The following MRPL45 variants were observed in gnomAD, a reference collection of about 807,000 sequenced individuals.
The protein encoded by MRPL45 is large ribosomal subunit protein mL45.
In MRPL45, 20 loss-of-function variants were observed where a neutral mutation model predicts 38.1. The ratio of observed to expected loss-of-function variants is 0.53; its 90% CI spans 0.37 to 0.76. MRPL45 has a LOEUF of 0.76. Ranked by LOEUF, MRPL45 falls within the 30% of genes least tolerant of loss-of-function variation. MRPL45 has a pLI of 0.00. For synonymous variants in MRPL45, 105 were observed against 128.8 expected, an observed-to-expected ratio of 0.82 and a Z score of 1.25; for missense variants, 337 against 395.6, an observed-to-expected ratio of 0.85 and a Z score of 1.26.
chr17:38,322,352 A>T (rs1286398512), intron 7 of MRPL45, 53 bp downstream of exon 7: 60 of 1,464,738 alleles, frequency 4.1e-5, no homozygotes, highest in Non-Finnish European at 5.5e-5. Flanking sequence ...GTGGTCTCCT[A>T]AGCCACTCTG....
At chr17:38,316,936 T>G (rs553565479) in intron 4 of MRPL45, among the ~76,000 whole-genome samples, 7 of 152,106 alleles carry the variant, frequency 4.6e-5, no homozygotes, top group Admixed American at 3.9e-4. Context: ...TAGCTGAGAC[T>G]CCAGGTGTGT....
chr17:38,298,691 A>T lies in MRPL45; in HGVS notation c.244+65A>T, dbSNP rs2036961859. 5.4e-6 allele frequency: 8 copies of T among 1,472,042 alleles called. No homozygotes were observed. In the East Asian group the frequency reaches 1.8e-4, roughly 33 times the overall value. 91.2% of individuals were successfully genotyped at this position (1,472,042 alleles called of 1,614,324 possible). On this transcript the variant is annotated intron_variant, in intron 2 of 7. Transcript: ENST00000613675. ...CAGAGATCTTCTGGAACTTGGGATGACTTGGACTATGATTGATAATATTTA... is the reference window on the plus strand; with the variant it reads ...CAGAGATCTTCTGGAACTTGGGATGTCTTGGACTATGATTGATAATATTTA...
Position 38,322,387 on chromosome 17 carries a change from G to T in MRPL45, c.834+88G>T, listed in dbSNP as rs2037239979. On this transcript the variant is annotated intron_variant, in intron 7 of 7. Coordinates refer to ENST00000613675, the MANE Select transcript of MRPL45 (RefSeq NM_032351.6). ...GTCGGGCTCCACCTAGTGGCGAGAG[G>T]GGGTGATGCACCACCCAGGAAGGGA... 4 of 1,414,932 alleles carry T rather than the reference G, an allele frequency of 2.8e-6. No homozygotes were observed. The South Asian group carries it at 3.7e-5, about 13-fold the overall frequency. The allele number at this position is 1,414,932 out of a possible 1,614,324, so 87.6% of individuals were successfully genotyped here.
chr17:38,305,437 A>G (rs1320934384), intron 3 of MRPL45, among the ~76,000 whole-genome samples: 1 of 145,654 alleles, frequency 6.9e-6, no homozygotes, highest in African/African-American at 2.5e-5. Context: ...ACTGTACTCC[A>G]GCCTGTGCGA....
At chr17:38,309,432 G>A (rs1338256151) in intron 4 of MRPL45, among the ~76,000 whole-genome samples, 1 of 151,108 alleles carries the variant, frequency 6.6e-6, no homozygotes, top group African/African-American at 2.4e-5. Flanking sequence ...TGAGGCAGGA[G>A]AATCGCTTGA....
At chr17:38,305,272 G>A (rs968255460) in intron 3 of MRPL45, among the ~76,000 whole-genome samples, 1 of 131,358 alleles carries the variant, frequency 7.6e-6, no homozygotes, top group East Asian at 2.7e-4. Flanking sequence ...TTCGAGACCA[G>A]CCTGGTCAGC....
chr17:38,301,605 C>G (rs1167348011), intron 3 of MRPL45, among the ~76,000 whole-genome samples: 1 of 152,154 alleles, frequency 6.6e-6, no homozygotes, highest in Non-Finnish European at 1.5e-5. Context: ...ATTGTAATTG[C>G]ACACTTGTAT....
At chr17:38,304,175 A>G (rs1034484225) in intron 3 of MRPL45, among the ~76,000 whole-genome samples, 1 of 152,192 alleles carries the variant, frequency 6.6e-6, no homozygotes, top group African/African-American at 2.4e-5. Flanking sequence ...CCTCAATTAA[A>G]AGTACTGCTC....
At chr17:38,319,974 G>C (rs1235566179) in intron 5 of MRPL45, among the ~76,000 whole-genome samples, 1 of 152,178 alleles carries the variant, frequency 6.6e-6, no homozygotes, top group Non-Finnish European at 1.5e-5. Context: ...GTGGTGGCGG[G>C]CGCCAGTAGT....
At chr17:38,310,176 C>A (rs371587408) in intron 4 of MRPL45, among the ~76,000 whole-genome samples, 2 of 142,096 alleles carry the variant, frequency 1.4e-5, no homozygotes, top group African/African-American at 5.3e-5. Flanking sequence ...TAAAATTCTC[C>A]ATTCTGTCAT....
At chr17:38,303,790 G>A (rs1330489029) in intron 3 of MRPL45, among the ~76,000 whole-genome samples, 4 of 150,942 alleles carry the variant, frequency 2.7e-5, no homozygotes, top group East Asian at 2.0e-4. Flanking sequence ...GCAGTGGTGC[G>A]ATCTCAGCTC....
At chr17:38,302,507 T>G (rs1300464641) in intron 3 of MRPL45, among the ~76,000 whole-genome samples, 4 of 53,992 alleles carry the variant, frequency 7.4e-5, no homozygotes, top group African/African-American at 2.1e-4. Context: ...AAAAAAAAAG[T>G]TTGTTTTTTT....
chr17:38,302,505 A>AAT (rs1567713066), intron 3 of MRPL45, among the ~76,000 whole-genome samples: 3 of 50,652 alleles, frequency 5.9e-5, no homozygotes, highest in Middle Eastern at 0.01. Context: ...AAAAAAAAAA[A>AAT]GTTTGTTTTT....
In MRPL45 at chr17:38,308,926, G is replaced by A. The variant is rs1413108223; in HGVS notation, c.461+2295G>A. On this transcript the variant is annotated intron_variant, in intron 4 of 7. Coordinates refer to ENST00000613675, the MANE Select transcript of MRPL45 (RefSeq NM_032351.6). ...GTGCTTTTATTTATGTTTTTTTTTT[G>A]AGACAGAGTCTCGCTCTGTCACCAG... Among the ~76,000 whole-genome samples the A allele has an allele frequency of 2.7e-5, 3 of 111,620 alleles. No individual in the cohort carries two copies. In the South Asian group the frequency reaches 8.6e-4, roughly 32 times the overall value. 73.2% of individuals were successfully genotyped at this position (111,620 alleles called of 152,430 possible). A position where few individuals can be genotyped will look rare whatever the true frequency, so the allele number is the denominator to read the frequency against.
At chr17:38,322,386 G>C in intron 7 of MRPL45, 87 bp downstream of exon 7, 1 of 1,433,910 alleles carries the variant, frequency 7.0e-7, no homozygotes, top group Non-Finnish European at 9.6e-7. Flanking sequence ...AGTGGCGAGA[G>C]GGGGTGATGC....
intron 5 of MRPL45, among the ~76,000 whole-genome samples, chr17:38,320,313 A>T (rs1597656965): frequency 6.6e-6 from 1 of 152,112 alleles, no homozygotes; most frequent in Middle Eastern, 3.4e-3. Context: ...TATGGGAGGG[A>T]TGTTGGTGTA....
chr17:38,320,278 C>G (rs2037216786), intron 5 of MRPL45, among the ~76,000 whole-genome samples: 1 of 152,006 alleles, frequency 6.6e-6, no homozygotes, highest in African/African-American at 2.4e-5. Context: ...CAAGTACATG[C>G]AATAATTGCC....
chr17:38,313,312 A>ATATATATATATATATACG (rs2144226466), intron 4 of MRPL45, among the ~76,000 whole-genome samples: 1 of 30,936 alleles, frequency 3.2e-5, no homozygotes, highest in South Asian at 1.3e-3. Context: ...AAAAAAAAAA[A>ATATATATATATATATACG]TATATATATA....
intron 3 of MRPL45, among the ~76,000 whole-genome samples, chr17:38,301,907 G>A (rs1202552113): frequency 1.3e-5 from 2 of 151,966 alleles, no homozygotes; most frequent in African/African-American, 2.4e-5. Context: ...CACGAGGTCA[G>A]GAGATCGAGA....
Sources: gnomAD v4.1 joint callset for allele counts (sites outside exome capture counted in the v4.1 genomes callset) on GRCh38, gnomAD v4.1.1 for gene constraint, MANE v1.5 for transcripts, NCBI Gene and HGNC (gene_info 2026-07-23, HGNC 2026-07-21) for gene names.